Variants in LRRC49 observed in about 807,000 individuals in gnomAD.
LRRC49 encodes leucine rich repeat containing 49.
Under a neutral mutation model 83.3 loss-of-function variants are expected in LRRC49, and 50 were observed. The observed-to-expected ratio is 0.60, with a 90% CI of 0.48 to 0.76. The LOEUF (loss-of-function observed/expected upper bound fraction) is 0.76. Ranked by LOEUF, LRRC49 falls within the 30% of genes least tolerant of loss-of-function variation. LRRC49 has a pLI of 0.00. For missense variants in LRRC49, 704 were observed against 809.1 expected (o/e 0.87, Z 1.58); for synonymous variants, 286 against 283.3 (o/e 1.01, Z -0.10).
rs745973865 is a variant in LRRC49, at chr15:71,049,524, T to C, written c.1973T>C (p.Ile658Thr). Reference protein sequence around the residue: ...ALQKLWPQMFIELVRDAVIEI... With the variant: ...ALQKLWPQMFTELVRDAVIEI... Reference sequence around the variant, plus strand: ...CAGAAGCTTTGGCCACAGATGTTCATTGAGCTTGTTAGGGATGCAGTCATA... The same window carrying C: ...CAGAAGCTTTGGCCACAGATGTTCACTGAGCTTGTTAGGGATGCAGTCATA... Residue 658 changes from isoleucine to threonine, a missense_variant, in exon 16 of 16, where the codon ATT (isoleucine) becomes ACT (threonine). Ile to Thr is a moderately conservative substitution (Grantham distance 89). Coordinates refer to ENST00000260382, the MANE Select transcript of LRRC49 (RefSeq NM_017691.5). 4.3e-6 allele frequency: 7 copies of C among 1,613,984 alleles called. No homozygotes were observed. The highest frequency in any genetic ancestry group is 1.1e-5 in the South Asian group (1 of 91,074).
At chr15:70,991,092 A>T (rs1442741117) in intron 11 of LRRC49, among the ~76,000 whole-genome samples, 1 of 152,200 alleles carries the variant, frequency 6.6e-6, no homozygotes, top group African/African-American at 2.4e-5. Context: ...AATTGGGCAT[A>T]TAATCTGAAA....
At chr15:70,859,974 G>A in intron 1 of LRRC49, 1 of 760,282 alleles carries the variant, frequency 1.3e-6, no homozygotes, top group South Asian at 1.4e-5. Flanking sequence ...GGCTATGCAG[G>A]TGGTCTGAGC....
At chr15:70,988,514 T>C (rs1206955642) in intron 11 of LRRC49, among the ~76,000 whole-genome samples, 1 of 152,214 alleles carries the variant, frequency 6.6e-6, no homozygotes, top group African/African-American at 2.4e-5. Context: ...TCTTTTTATT[T>C]TGAGCCTATG....
At chr15:71,015,284 G>A (rs1182159848) in intron 14 of LRRC49, among the ~76,000 whole-genome samples, 1 of 152,200 alleles carries the variant, frequency 6.6e-6, no homozygotes, top group African/African-American at 2.4e-5. Context: ...TGCAGCGGCA[G>A]TCCTCAACCT....
intron 2 of LRRC49, chr15:70,894,676 C>T (rs2033754249): frequency 2.4e-6 from 3 of 1,234,406 alleles, no homozygotes; most frequent in Non-Finnish European, 2.1e-6. Flanking sequence ...TCAGGTGTGT[C>T]CTAAAAAGTT....
At chr15:70,990,554 A>G (rs935386280) in intron 11 of LRRC49, among the ~76,000 whole-genome samples, 5 of 152,168 alleles carry the variant, frequency 3.3e-5, no homozygotes, top group African/African-American at 1.2e-4. Flanking sequence ...TTCTTTGACT[A>G]GGAAAGGGAA....
chr15:70,899,138 T>C (rs2033962164), intron 3 of LRRC49, among the ~76,000 whole-genome samples: 1 of 152,248 alleles, frequency 6.6e-6, no homozygotes. Flanking sequence ...CTTTATTCAC[T>C]GAGTGTAAAT....
At chr15:70,865,769 G>A (rs2032896126) in intron 1 of LRRC49, among the ~76,000 whole-genome samples, 1 of 152,138 alleles carries the variant, frequency 6.6e-6, no homozygotes, top group Non-Finnish European at 1.5e-5. Flanking sequence ...GTTTTCCCTG[G>A]CCATGGGACT....
intron 11 of LRRC49, among the ~76,000 whole-genome samples, chr15:70,990,114 G>A (rs970098901): frequency 4.6e-5 from 7 of 152,126 alleles, no homozygotes; most frequent in Non-Finnish European, 8.8e-5. Context: ...CAGTCTGCCC[G>A]TTCTCAGATC....
intron 9 of LRRC49, among the ~76,000 whole-genome samples, chr15:70,973,190 A>C (rs1409543220): frequency 6.6e-6 from 1 of 151,738 alleles, no homozygotes; most frequent in East Asian, 1.9e-4. Flanking sequence ...CTTTTTGTTG[A>C]TGTTGATGCT....
At chr15:71,036,151 G>T (rs894455555) in intron 14 of LRRC49, among the ~76,000 whole-genome samples, 4 of 152,156 alleles carry the variant, frequency 2.6e-5, no homozygotes, top group Admixed American at 2.0e-4. Context: ...CTTTTAAGAA[G>T]TGTTTGTTAT....
chr15:70,944,490 C>T (rs570981166), intron 8 of LRRC49, among the ~76,000 whole-genome samples: 29 of 152,234 alleles, frequency 1.9e-4, no homozygotes, highest in African/African-American at 5.8e-4. Flanking sequence ...CCGCAACCTC[C>T]GCCTCCAGGG....
chr15:70,937,944 G>A (rs959842523), intron 8 of LRRC49, among the ~76,000 whole-genome samples: 1 of 151,820 alleles, frequency 6.6e-6, no homozygotes, highest in Non-Finnish European at 1.5e-5. Flanking sequence ...GCAATGGAAG[G>A]GTCACTCATT....
intron 9 of LRRC49, among the ~76,000 whole-genome samples, chr15:70,976,409 A>G (rs1457199503): frequency 6.6e-6 from 1 of 152,244 alleles, no homozygotes; most frequent in Non-Finnish European, 1.5e-5. Flanking sequence ...AATGTTTATA[A>G]CTAAAGTATA....
At chr15:71,021,968 T>C (rs76729331) in intron 14 of LRRC49, among the ~76,000 whole-genome samples, 1,816 of 152,278 alleles carry the variant, frequency 0.012, 36 homozygotes, top group African/African-American at 0.041. Context: ...CCTTACGTAA[T>C]TGTAAAATCA....
At chr15:70,932,507 A>G (rs2035443519) in intron 7 of LRRC49, among the ~76,000 whole-genome samples, 1 of 152,120 alleles carries the variant, frequency 6.6e-6, no homozygotes, top group South Asian at 2.1e-4. Flanking sequence ...ATGAAAGCCT[A>G]CATAGTAAAA....
chr15:70,898,939 G>A (rs1369808554), intron 3 of LRRC49, among the ~76,000 whole-genome samples: 2 of 151,830 alleles, frequency 1.3e-5, no homozygotes, highest in African/African-American at 2.4e-5. Context: ...TTTTAACTGC[G>A]GATCTCTCTG....
At chr15:71,020,520 C>A (rs1477749316) in intron 14 of LRRC49, among the ~76,000 whole-genome samples, 1 of 152,168 alleles carries the variant, frequency 6.6e-6, no homozygotes, top group East Asian at 1.9e-4. Flanking sequence ...CTAGTCACAT[C>A]ACAGTGAAAC....
At chr15:71,006,159 C>T (rs1440127501) in intron 11 of LRRC49, among the ~76,000 whole-genome samples, 1 of 152,120 alleles carries the variant, frequency 6.6e-6, no homozygotes, top group Non-Finnish European at 1.5e-5. Flanking sequence ...GTTTTGTAAC[C>T]ATGTCACTGT....
Sources: allele counts gnomAD v4.1 joint callset (sites outside exome capture counted in the v4.1 genomes callset), GRCh38; gene constraint gnomAD v4.1.1; transcripts MANE v1.5; gene names NCBI Gene and HGNC (gene_info 2026-07-23, HGNC 2026-07-21).